Variants in PDAP1 observed in about 807,000 individuals in gnomAD.
PDAP1 encodes 28 kDa heat- and acid-stable phosphoprotein.
In PDAP1, 13 loss-of-function variants were observed where a neutral mutation model predicts 28.0. The ratio of observed to expected loss-of-function variants is 0.46; its 90% CI spans 0.30 to 0.74. The LOEUF (loss-of-function observed/expected upper bound fraction) is 0.74, where lower values mean the gene tolerates loss of function less well. Among genes scored for constraint, PDAP1 ranks in the 30% least tolerant of loss-of-function variants. The pLI is 0.07. For synonymous variants in PDAP1, 77 were observed against 85.1 expected (o/e 0.91, Z 0.52); for missense variants, 150 against 230.0 (o/e 0.65, Z 2.25).
chr7:99,401,638 C>G, intron 3 of PDAP1, among the ~76,000 whole-genome samples: 1 of 151,884 alleles, frequency 6.6e-6, no homozygotes, highest in Non-Finnish European at 1.5e-5. Context: ...GATTTCTGAT[C>G]TGAACACTGC....
rs571457864 is a variant in PDAP1, at chr7:99,405,028, C to T, written c.14-75G>A. The T allele has an allele frequency of 9.4e-4, 1,034 of 1,094,504 alleles. 2 individuals carry two copies. Among genetic ancestry groups the T allele is most frequent in the Middle Eastern group, 8.6e-3 (43 of 5,020 alleles). 67.8% of individuals were successfully genotyped at this position (1,094,504 alleles called of 1,614,324 possible). ...CTGACCCCCAGAGGGCTGTGTCCTG[C>T]TTGGAGTACTCTCATCGGAGGCCTC... On this transcript the variant is annotated intron_variant, in intron 1 of 5. Transcript: ENST00000350498.
intron 4 of PDAP1, among the ~76,000 whole-genome samples, chr7:99,400,048 G>T (rs913847667): frequency 6.6e-6 from 1 of 152,206 alleles, no homozygotes; most frequent in Non-Finnish European, 1.5e-5. Context: ...GGAATGGAGG[G>T]CAACCCTCTG....
At chr7:99,405,391 G>A (rs1401150952) in intron 1 of PDAP1, among the ~76,000 whole-genome samples, 6 of 144,732 alleles carry the variant, frequency 4.1e-5, no homozygotes, top group African/African-American at 1.6e-4. Context: ...ACGGAGTCTC[G>A]CTCTGTCACC....
chr7:99,402,425 T>C (rs749208252), intron 3 of PDAP1, among the ~76,000 whole-genome samples: 1 of 151,246 alleles, frequency 6.6e-6, no homozygotes, highest in Non-Finnish European at 1.5e-5. Context: ...GGCAATATAG[T>C]GAGATCCCTA....
intron 5 of PDAP1, among the ~76,000 whole-genome samples, chr7:99,397,555 G>T (rs1041255674): frequency 6.6e-6 from 1 of 152,228 alleles, no homozygotes; most frequent in African/African-American, 2.4e-5. Flanking sequence ...CTCAGGCAAG[G>T]TCTGTACTAG....
intron 5 of PDAP1, among the ~76,000 whole-genome samples, chr7:99,397,170 C>G (rs1326689668): frequency 6.6e-6 from 1 of 152,180 alleles, no homozygotes; most frequent in Non-Finnish European, 1.5e-5. Flanking sequence ...CACTGGATTT[C>G]TGGTGCGGGT....
intron 4 of PDAP1, 106 bp downstream of exon 4, chr7:99,400,197 C>T (rs184220903): frequency 4.9e-5 from 64 of 1,298,274 alleles, no homozygotes; most frequent in Non-Finnish European, 6.6e-5. Context: ...GGGAATGAGA[C>T]AGAAATAAAC....
At chr7:99,407,432 T>C (rs1243868187) in intron 1 of PDAP1, among the ~76,000 whole-genome samples, 2 of 152,168 alleles carry the variant, frequency 1.3e-5, no homozygotes, top group Admixed American at 6.5e-5. Flanking sequence ...AATAAATCAG[T>C]AGAGAGCTAG....
At position 99,404,296 on chromosome 7, in the gene PDAP1, T is replaced by C. The variant is rs188810979; in HGVS notation, c.105+566A>G. 1.1e-4 allele frequency among the ~76,000 whole-genome samples: 17 copies of C among 152,286 alleles called. No homozygotes were observed. The East Asian group carries it at 3.3e-3, about 29-fold the overall frequency. On this transcript the variant is annotated intron_variant, in intron 2 of 5. Coordinates refer to ENST00000350498, the MANE Select transcript of PDAP1 (RefSeq NM_014891.7). ...TAATGATATGGTAAGATGCAGATGCTGACGATGGGAATGTATTCTATTTCC... is the reference window on the plus strand; with the variant it reads ...TAATGATATGGTAAGATGCAGATGCCGACGATGGGAATGTATTCTATTTCC...
intron 1 of PDAP1, 97 bp downstream of exon 1, chr7:99,408,439 G>A: frequency 1.7e-6 from 2 of 1,158,510 alleles, no homozygotes; most frequent in Non-Finnish European, 2.2e-6. Context: ...GCCTCCCTCT[G>A]CGCTGCTCTC....
At chr7:99,400,449 G>A (rs1346222665) in intron 3 of PDAP1, 25 bp from the exon 4 acceptor site, 2 of 1,613,632 alleles carry the variant, frequency 1.2e-6, no homozygotes, top group African/African-American at 2.7e-5. Flanking sequence ...GAAGCTGGTT[G>A]TTGGAGTTCA....
At chr7:99,401,908 G>A (rs1471770892) in intron 3 of PDAP1, among the ~76,000 whole-genome samples, 2 of 151,770 alleles carry the variant, frequency 1.3e-5, no homozygotes, top group Non-Finnish European at 2.9e-5. Context: ...TGTTAGCCAG[G>A]ATGGTCTCGA....
chr7:99,399,937 C>T (rs952655987), intron 4 of PDAP1, among the ~76,000 whole-genome samples: 28 of 152,224 alleles, frequency 1.8e-4, no homozygotes, highest in Admixed American at 4.6e-4. Flanking sequence ...CAGCCCCCTT[C>T]CAGTCCCCAT....
In PDAP1 at chr7:99,408,162, C is replaced by T. The variant is rs574331201; in HGVS notation, c.13+374G>A. 4.6e-5 allele frequency among the ~76,000 whole-genome samples: 7 copies of T among 152,302 alleles called. No homozygotes were observed. In the East Asian group the frequency reaches 1.4e-3, roughly 29 times the overall value. ...CTGAACCGAAGCCAGAAAAAGCCCA[C>T]GTTTTACGCGAGAGGCAGGCGGGCC... On this transcript the variant is annotated intron_variant, in intron 1 of 5. Transcript: ENST00000350498.
intron 4 of PDAP1, among the ~76,000 whole-genome samples, chr7:99,399,715 G>C (rs1230071703): frequency 6.6e-6 from 1 of 152,214 alleles, no homozygotes; most frequent in Admixed American, 6.5e-5. Context: ...TCAACCTCTT[G>C]TAAGGCCCTT....
At chr7:99,398,074 G>C in intron 4 of PDAP1, 61 bp from the exon 5 acceptor site, 1 of 1,590,614 alleles carries the variant, frequency 6.3e-7, no homozygotes. Context: ...CAAACTGGAC[G>C]GGAGTCAGAA....
chr7:99,395,603 C>G lies in PDAP1; in HGVS notation c.*1079G>C, dbSNP rs755413252. The G allele has an allele frequency of 6.6e-6, 1 of 152,280 alleles. No individual in the cohort carries two copies. 9.4% of individuals were successfully genotyped at this position (152,280 alleles called of 1,614,324 possible). A position where few individuals can be genotyped will look rare whatever the true frequency, so the allele number is the denominator to read the frequency against. ...TTTGCACATCTTTTGTGGCTTCTCT[C>G]AGGAAAATGTGGGCCTTGGCGACAT... On this transcript the variant is annotated 3_prime_UTR_variant, in exon 6 of 6. Coordinates refer to ENST00000350498, the MANE Select transcript of PDAP1 (RefSeq NM_014891.7).
intron 4 of PDAP1, among the ~76,000 whole-genome samples, chr7:99,398,714 A>T (rs929711397): frequency 2.0e-5 from 3 of 152,154 alleles, no homozygotes; most frequent in African/African-American, 7.2e-5. Flanking sequence ...TAAAAAATAC[A>T]AACAAAAAAA....
At chr7:99,398,827 G>C (rs774584014) in intron 4 of PDAP1, among the ~76,000 whole-genome samples, 1 of 152,256 alleles carries the variant, frequency 6.6e-6, no homozygotes, top group Non-Finnish European at 1.5e-5. Flanking sequence ...CCCATTCTTA[G>C]AGCAGCTCAG....
Sources: allele counts gnomAD v4.1 joint callset (sites outside exome capture counted in the v4.1 genomes callset), GRCh38; gene constraint gnomAD v4.1.1; transcripts MANE v1.5; gene names NCBI Gene and HGNC (gene_info 2026-07-23, HGNC 2026-07-21).